The following FRMPD4 variants were observed in gnomAD, a reference collection of about 807,000 sequenced individuals.
FRMPD4 encodes FERM and PDZ domain-containing protein 4.
Under a neutral mutation model 94.1 loss-of-function variants are expected in FRMPD4, and 22 were observed. The observed-to-expected ratio is 0.23, with a 90% CI of 0.17 to 0.33. The LOEUF is 0.33. FRMPD4 is among the 10% of genes least tolerant of loss of function. The probability of loss-of-function intolerance (pLI) is 1.00; values close to 1 mark genes in which losing one functional copy is unlikely to be tolerated. For synonymous variants in FRMPD4, 631 were observed against 548.6 expected (o/e 1.15, Z -2.10); for missense variants, 1,111 against 1,339.9 (o/e 0.83, Z 2.67).
chrX:12,099,874 C>G (rs1260726561), intron 3 of FRMPD4, among the ~76,000 whole-genome samples: 1 of 112,785 alleles, frequency 8.9e-6, no homozygotes, highest in Non-Finnish European at 1.9e-5. Context: ...TGCTTAAGGA[C>G]TCTGAGCAGT....
In FRMPD4 at chrX:12,585,567, T is replaced by G. The variant is rs1426090302; in HGVS notation, c.159-24154T>G. 4.5e-5 allele frequency among the ~76,000 whole-genome samples: 5 copies of G among 111,989 alleles called. No homozygotes were observed. The East Asian group carries it at 1.4e-3, about 31-fold the overall frequency. On this transcript the variant is annotated intron_variant, in intron 2 of 16. Coordinates refer to ENST00000675598, the MANE Select transcript of FRMPD4 (RefSeq NM_001368397.1). ...CTCCCATTCCACCTGCAGCCCAAGC[T>G]CCATTTTTCCTGTCACCCAGACTCT...
chrX:12,598,961 T>G (rs188406051), intron 2 of FRMPD4, among the ~76,000 whole-genome samples: 8 of 112,444 alleles, frequency 7.1e-5, no homozygotes, highest in Admixed American at 5.7e-4. Context: ...TTATCAAAAT[T>G]AATTCGTGTT....
At chrX:12,318,203 G>A (rs780813055) in intron 1 of FRMPD4, among the ~76,000 whole-genome samples, 16 of 112,850 alleles carry the variant, frequency 1.4e-4, no homozygotes, top group Admixed American at 1.3e-3. Context: ...GCTAGACACA[G>A]AAAGACAAAT....
chrX:12,071,934 A>G (rs6640879), intron 3 of FRMPD4, among the ~76,000 whole-genome samples: 7,935 of 111,389 alleles, frequency 0.071, 275 homozygotes, highest in East Asian at 0.24. Flanking sequence ...CGTTTAGATA[A>G]ATGGTCTAAA....
intron 1 of FRMPD4, among the ~76,000 whole-genome samples, chrX:12,461,230 G>C (rs1364041815): frequency 1.8e-5 from 2 of 111,955 alleles, no homozygotes; most frequent in Non-Finnish European, 3.8e-5. Flanking sequence ...TCCTCACTAG[G>C]ATTTTTTCCC....
intron 5 of FRMPD4, among the ~76,000 whole-genome samples, chrX:12,676,668 C>A (rs946601972): frequency 8.9e-6 from 1 of 112,343 alleles, no homozygotes; most frequent in African/African-American, 3.2e-5. Flanking sequence ...TGTCTTGTGG[C>A]TTTACTTGCT....
In FRMPD4 at chrX:11,886,027, A is replaced by G. The variant is rs1337508934; in HGVS notation, c.95+8009A>G. On this transcript the variant is annotated intron_variant, in intron 3 of 18. Coordinates refer to the FRMPD4 transcript ENST00000640291. ...TCCATCTATACTTTTAGTGGCTGAG[A>G]TGATTTTATGGCCAAATACTTATAA... 3.3e-4 allele frequency among the ~76,000 whole-genome samples: 37 copies of G among 111,742 alleles called. No individual in the cohort carries two copies. In the Admixed American group the frequency reaches 3.5e-3, roughly 11 times the overall value.
intron 4 of FRMPD4, among the ~76,000 whole-genome samples, chrX:12,651,436 C>A (rs1380612632): frequency 9.2e-6 from 1 of 108,283 alleles, no homozygotes; most frequent in African/African-American, 3.4e-5. Context: ...AAGCAGTTCA[C>A]CCATCTATAA....
At chrX:12,007,568 C>T (rs866555931) in intron 3 of FRMPD4, among the ~76,000 whole-genome samples, 11 of 111,643 alleles carry the variant, frequency 9.9e-5, no homozygotes, top group Middle Eastern at 4.6e-3. Flanking sequence ...TGGATGTGTC[C>T]TCTCAATCCT....
chrX:12,173,107 C>T (rs766804085), intron 1 of FRMPD4, among the ~76,000 whole-genome samples: 1 of 112,764 alleles, frequency 8.9e-6, no homozygotes, highest in South Asian at 3.7e-4. Flanking sequence ...CAAGCCCAAG[C>T]TCAAGGTCTC....
chrX:12,130,105 AGAGAGAG>A (rs1375893298), intron 3 of FRMPD4, among the ~76,000 whole-genome samples: 5 of 56,279 alleles, frequency 8.9e-5, no homozygotes, highest in Non-Finnish European at 1.6e-4. Context: ...CCAGCGGAAG[AGAGAGAG>A]AGAGAGAGAG....
At chrX:12,108,127 C>T (rs1312711634) in intron 3 of FRMPD4, among the ~76,000 whole-genome samples, 1 of 110,951 alleles carries the variant, frequency 9.0e-6, no homozygotes, top group African/African-American at 3.3e-5. Flanking sequence ...ATTGTCAGAT[C>T]CACCAAAGTT....
At chrX:12,027,081 G>A (rs1051375337) in intron 3 of FRMPD4, among the ~76,000 whole-genome samples, 9 of 111,808 alleles carry the variant, frequency 8.0e-5, no homozygotes, top group African/African-American at 2.6e-4. Flanking sequence ...TATCTCACAA[G>A]GCAGCTTATT....
chrX:12,130,618 G>A (rs184986765), intron 3 of FRMPD4, among the ~76,000 whole-genome samples: 124 of 111,252 alleles, frequency 1.1e-3, no homozygotes, highest in African/African-American at 3.9e-3. Flanking sequence ...ATTTATGAAT[G>A]AGACTTCAAA....
intron 1 of FRMPD4, among the ~76,000 whole-genome samples, chrX:11,835,421 G>T (rs2053496031): frequency 8.9e-6 from 1 of 112,075 alleles, no homozygotes; most frequent in South Asian, 3.7e-4. Context: ...CATCCAGATA[G>T]CACGAAGGCA....
At chrX:11,924,931 A>T (rs1227120206) in intron 3 of FRMPD4, among the ~76,000 whole-genome samples, 1 of 111,749 alleles carries the variant, frequency 8.9e-6, no homozygotes, top group African/African-American at 3.3e-5. Context: ...AATGGGCTAA[A>T]TGTCCCAATT....
intron 1 of FRMPD4, among the ~76,000 whole-genome samples, chrX:12,493,679 TA>T (rs2057815022): frequency 8.9e-6 from 1 of 112,201 alleles, no homozygotes; most frequent in Admixed American, 9.5e-5. Context: ...TTAGGCTAGT[TA>T]TACACCCTTT....
intron 1 of FRMPD4, among the ~76,000 whole-genome samples, chrX:12,169,100 A>G (rs1376363056): frequency 8.9e-6 from 1 of 112,449 alleles, no homozygotes; most frequent in East Asian, 2.8e-4. Context: ...AGGAGAGAAT[A>G]ATAAATAGGC....
chrX:12,579,328 C>G (rs951190089), intron 2 of FRMPD4, among the ~76,000 whole-genome samples: 7 of 112,327 alleles, frequency 6.2e-5, no homozygotes, highest in African/African-American at 2.3e-4. Flanking sequence ...AGCTTATAGC[C>G]CTTGAGAACA....
Sources: allele counts gnomAD v4.1 joint callset (sites outside exome capture counted in the v4.1 genomes callset), GRCh38; gene constraint gnomAD v4.1.1; transcripts MANE v1.5; gene names NCBI Gene and HGNC (gene_info 2026-07-23, HGNC 2026-07-21).